C12orf75: variants seen among roughly 807,000 people sequenced by gnomAD.
C12orf75 encodes the protein overexpressed in colon carcinoma 1 protein.
In C12orf75, 4 loss-of-function variants were observed where a neutral mutation model predicts 11.4. That is an observed-to-expected ratio of 0.35 (90% CI 0.17 to 0.80). The LOEUF (loss-of-function observed/expected upper bound fraction) is 0.80, where lower values mean the gene tolerates loss of function less well. Ranked by LOEUF, C12orf75 falls within the 30% of genes least tolerant of loss-of-function variation. The pLI, the probability that C12orf75 is intolerant of heterozygous loss-of-function variation, is 0.52. For synonymous variants in C12orf75, 30 were observed against 30.0 expected (o/e 1.00, Z 0.00); for missense variants, 89 against 80.4 (o/e 1.11, Z -0.41).
intron 1 of C12orf75, among the ~76,000 whole-genome samples, chr12:105,346,005 T>G (rs1892635378): frequency 6.6e-6 from 1 of 152,052 alleles, no homozygotes; most frequent in Admixed American, 6.6e-5. Flanking sequence ...TAAAGAAGCT[T>G]CATCTGCAAA....
intron 2 of C12orf75, among the ~76,000 whole-genome samples, chr12:105,358,487 C>T (rs1489130215): frequency 6.6e-6 from 1 of 152,128 alleles, no homozygotes; most frequent in Non-Finnish European, 1.5e-5. Flanking sequence ...TGCCACTGCT[C>T]TCCAGCCTAG....
chr12:105,352,940 C>G (rs1892731678), intron 2 of C12orf75, among the ~76,000 whole-genome samples: 1 of 152,222 alleles, frequency 6.6e-6, no homozygotes, highest in African/African-American at 2.4e-5. Flanking sequence ...TGCAGTAACA[C>G]ACTGAACAAA....
intron 1 of C12orf75, among the ~76,000 whole-genome samples, chr12:105,339,217 T>C (rs1892535428): frequency 6.7e-6 from 1 of 148,894 alleles, no homozygotes; most frequent in African/African-American, 2.4e-5. Flanking sequence ...TTAAAGAGAA[T>C]TTTATTTATT....
At chr12:105,346,130 G>A (rs1399350209) in intron 1 of C12orf75, among the ~76,000 whole-genome samples, 3 of 152,052 alleles carry the variant, frequency 2.0e-5, no homozygotes, top group Admixed American at 6.5e-5. Context: ...GGAAATCTTG[G>A]AATCCACCTA....
intron 2 of C12orf75, among the ~76,000 whole-genome samples, chr12:105,360,711 G>A (rs1892850437): frequency 1.3e-5 from 2 of 152,122 alleles, no homozygotes; most frequent in South Asian, 4.1e-4. Flanking sequence ...GAGTGCAGTG[G>A]CGTGATCTCA....
chr12:105,365,745 C>A, intron 2 of C12orf75, 62 bp from the exon 3 acceptor site: 2 of 1,219,014 alleles, frequency 1.6e-6, no homozygotes, highest in South Asian at 1.3e-5. Flanking sequence ...TTCTCATAAC[C>A]AAAAATGAAG....
At chr12:105,333,316 C>A (rs1892459739) in intron 1 of C12orf75, among the ~76,000 whole-genome samples, 1 of 152,158 alleles carries the variant, frequency 6.6e-6, no homozygotes, top group Non-Finnish European at 1.5e-5. Context: ...GAAAAATAAA[C>A]CACAATGCAA....
At chr12:105,362,247 G>A (rs571196472) in intron 2 of C12orf75, among the ~76,000 whole-genome samples, 75 of 151,854 alleles carry the variant, frequency 4.9e-4, no homozygotes, top group African/African-American at 1.7e-3. Context: ...TTAGCCGGGC[G>A]TGTGGCGGGC....
At chr12:105,354,228 C>G (rs973626461) in intron 2 of C12orf75, among the ~76,000 whole-genome samples, 3 of 152,168 alleles carry the variant, frequency 2.0e-5, no homozygotes, top group Non-Finnish European at 2.9e-5. Flanking sequence ...TCCCCTTCAC[C>G]ATTTGCTAGC....
intron 2 of C12orf75, 93 bp downstream of exon 2, chr12:105,348,719 C>A: frequency 2.6e-6 from 2 of 761,778 alleles, no homozygotes; most frequent in Non-Finnish European, 4.2e-6. Flanking sequence ...GTGGGTATGG[C>A]TGAAAAGACA....
chr12:105,349,081 A>G lies in C12orf75; in HGVS notation c.71+455A>G, dbSNP rs137860284. ...GATATTCGAATGAATATATAGGGCC[A>G]TTCAACATAGTCACCATTGAGCTAT... On this transcript the variant is annotated intron_variant, in intron 2 of 5. Transcript: ENST00000443585. Among the ~76,000 whole-genome samples the G allele has an allele frequency of 1.5e-3, 228 of 152,364 alleles. 1 individual carries two copies. The South Asian group carries it at 0.02, about 13-fold the overall frequency.
At position 105,330,817 on chromosome 12, in the gene C12orf75, C is replaced by T. The variant is rs926335617; in HGVS notation, c.-75C>T. 3.8e-5 allele frequency: 46 copies of T among 1,221,952 alleles called. No individual in the cohort carries two copies. The highest frequency in any genetic ancestry group is 1.3e-4 in the Admixed American group (3 of 23,258). The allele number at this position is 1,221,952 out of a possible 1,614,324, so 75.7% of individuals were successfully genotyped here. ...TCAGCCTCCCGCTCGGGGTGCGCCG[C>T]CCTTCGTCTGGGTCTCCGCCCCCAG... is the stretch of plus-strand genomic sequence containing the variant. On this transcript the variant is annotated 5_prime_UTR_variant, in exon 1 of 6. Transcript: ENST00000443585.
intron 1 of C12orf75, among the ~76,000 whole-genome samples, chr12:105,337,967 G>C (rs1046929462): frequency 2.6e-5 from 4 of 151,674 alleles, no homozygotes; most frequent in Admixed American, 6.6e-5. Context: ...GTTAGAGTAA[G>C]AGAAAAAAAA....
At chr12:105,361,694 C>A (rs1018853218) in intron 2 of C12orf75, among the ~76,000 whole-genome samples, 5 of 152,126 alleles carry the variant, frequency 3.3e-5, no homozygotes, top group African/African-American at 1.2e-4. Context: ...CTTCCTTACG[C>A]TAAAGCTTGT....
chr12:105,368,728 G>C (rs1365322739), intron 5 of C12orf75, among the ~76,000 whole-genome samples: 1 of 152,188 alleles, frequency 6.6e-6, no homozygotes, highest in Non-Finnish European at 1.5e-5. Flanking sequence ...TTACCTGCTA[G>C]AGAAAGGAGA....
intron 1 of C12orf75, among the ~76,000 whole-genome samples, chr12:105,342,494 T>C (rs538170070): frequency 6.6e-6 from 1 of 152,366 alleles, no homozygotes; most frequent in African/African-American, 2.4e-5. Flanking sequence ...ATTTTCTTTA[T>C]AAATTATCCA....
chr12:105,338,403 A>T (rs116030696), intron 1 of C12orf75, among the ~76,000 whole-genome samples: 3,372 of 152,098 alleles, frequency 0.022, 121 homozygotes, highest in African/African-American at 0.078. Flanking sequence ...CAAATTCCAG[A>T]CCTCAGGTGA....
chr12:105,365,783 T>C, intron 2 of C12orf75, 24 bp from the exon 3 acceptor site: 1 of 1,533,370 alleles, frequency 6.5e-7, no homozygotes, highest in Non-Finnish European at 8.8e-7. Flanking sequence ...AAGTGTCTCA[T>C]AGCAAATGTT....
chr12:105,369,373 T>C (rs1427400354), intron 5 of C12orf75, among the ~76,000 whole-genome samples: 2 of 152,228 alleles, frequency 1.3e-5, no homozygotes, highest in African/African-American at 2.4e-5. Context: ...CCCCTCTCTC[T>C]CCTCAACTTT....
Sources: gnomAD v4.1 joint callset for allele counts (sites outside exome capture counted in the v4.1 genomes callset) on GRCh38, gnomAD v4.1.1 for gene constraint, MANE v1.5 for transcripts, NCBI Gene and HGNC (gene_info 2026-07-23, HGNC 2026-07-21) for gene names.